Variants in NDUFS4 observed in about 807,000 individuals in gnomAD.
The protein encoded by NDUFS4 is NADH:ubiquinone oxidoreductase subunit S4.
NDUFS4 carries 28 observed loss-of-function variants against 24.3 expected under a neutral mutation model. That is an observed-to-expected ratio of 1.15 (90% CI 0.85 to 1.58). NDUFS4 has a LOEUF of 1.58. Ranked by LOEUF, NDUFS4 falls within the 40% of genes most tolerant of loss-of-function variation. The pLI is 0.00. For missense variants in NDUFS4, 223 were observed against 207.9 expected, an observed-to-expected ratio of 1.07 and a Z score of -0.45; for synonymous variants, 93 against 69.7, an observed-to-expected ratio of 1.34 and a Z score of -1.67.
intron 2 of NDUFS4, among the ~76,000 whole-genome samples, chr5:53,616,410 G>A (rs1403286356): frequency 6.6e-6 from 1 of 152,060 alleles, no homozygotes; most frequent in African/African-American, 2.4e-5. Context: ...AATAGCTGGG[G>A]TTTGGGTGGA....
chr5:53,613,261 A>T (rs1199587219), intron 2 of NDUFS4, among the ~76,000 whole-genome samples: 1 of 152,090 alleles, frequency 6.6e-6, no homozygotes, highest in Non-Finnish European at 1.5e-5. Context: ...TTACTCACGC[A>T]GCATTCTTGT....
At chr5:53,574,608 CTT>C (rs1435637454) in intron 1 of NDUFS4, among the ~76,000 whole-genome samples, 1 of 152,066 alleles carries the variant, frequency 6.6e-6, no homozygotes, top group Non-Finnish European at 1.5e-5. Context: ...TTTTCATCAT[CTT>C]TTCTTTTGAA....
intron 2 of NDUFS4, among the ~76,000 whole-genome samples, chr5:53,641,872 G>T (rs536485778): frequency 1.6e-4 from 24 of 152,148 alleles, no homozygotes; most frequent in Non-Finnish European, 3.2e-4. Context: ...TGTAAACTCA[G>T]TCATCAAATT....
At chr5:53,616,266 A>G (rs1444981088) in intron 2 of NDUFS4, among the ~76,000 whole-genome samples, 2 of 152,064 alleles carry the variant, frequency 1.3e-5, no homozygotes, top group Non-Finnish European at 2.9e-5. Flanking sequence ...GCTATGAACA[A>G]AGCACAACAA....
intron 3 of NDUFS4, among the ~76,000 whole-genome samples, chr5:53,648,419 A>G (rs1751924363): frequency 1.3e-5 from 2 of 152,228 alleles, no homozygotes. Context: ...TTTCATATGT[A>G]AGATAATTTT....
intron 2 of NDUFS4, among the ~76,000 whole-genome samples, chr5:53,617,649 T>C (rs1750884118): frequency 6.6e-6 from 1 of 152,204 alleles, no homozygotes; most frequent in African/African-American, 2.4e-5. Flanking sequence ...TCAAAACTAG[T>C]GGGAGAGACA....
In NDUFS4 at chr5:53,646,422, A is replaced by C. The variant is rs775019741; in HGVS notation, c.350+17A>C. 5 of 1,611,304 alleles carry C rather than the reference A, an allele frequency of 3.1e-6. No individual in the cohort carries two copies. Among genetic ancestry groups the C allele is most frequent in the Non-Finnish European group, 4.2e-6 (5 of 1,177,690 alleles). On this transcript the variant is annotated intron_variant, in intron 3 of 4. Transcript: ENST00000296684. ...GGCATCAACGTGAGTACTTTATTTT[A>C]ATGTGAATATTGTCAGCTATCTTTT...
intron 3 of NDUFS4, among the ~76,000 whole-genome samples, chr5:53,647,287 A>G (rs1408908834): frequency 1.3e-5 from 2 of 152,030 alleles, no homozygotes; most frequent in Non-Finnish European, 2.9e-5. Flanking sequence ...ATCCTAGCTC[A>G]CTGCAGCCCT....
chr5:53,616,422 TA>T (rs955982817), intron 2 of NDUFS4, among the ~76,000 whole-genome samples: 3 of 151,982 alleles, frequency 2.0e-5, no homozygotes, highest in African/African-American at 7.3e-5. Flanking sequence ...TTGGGTGGAA[TA>T]GGGGTCATTT....
At chr5:53,585,589 G>A (rs558852673) in intron 1 of NDUFS4, among the ~76,000 whole-genome samples, 1 of 151,746 alleles carries the variant, frequency 6.6e-6, no homozygotes, top group Non-Finnish European at 1.5e-5. Context: ...CTAAAAATAC[G>A]AAATTAGCCG....
intron 4 of NDUFS4, among the ~76,000 whole-genome samples, chr5:53,667,633 G>C (rs1381325237): frequency 6.6e-6 from 1 of 151,922 alleles, no homozygotes; most frequent in Non-Finnish European, 1.5e-5. Flanking sequence ...AAAATCATTT[G>C]TTGTCAGCTA....
chr5:53,601,128 C>A (rs1241537685), intron 1 of NDUFS4, among the ~76,000 whole-genome samples: 1 of 151,804 alleles, frequency 6.6e-6, no homozygotes, highest in East Asian at 1.9e-4. Flanking sequence ...CCTCAGCCTC[C>A]GAGTAGCTGC....
At chr5:53,677,582 T>G (rs1740516043) in intron 4 of NDUFS4, among the ~76,000 whole-genome samples, 1 of 152,178 alleles carries the variant, frequency 6.6e-6, no homozygotes. Flanking sequence ...AAAGTGAAAT[T>G]CCTAAAAAGC....
intron 1 of NDUFS4, among the ~76,000 whole-genome samples, chr5:53,588,625 C>T (rs1315665705): frequency 3.3e-5 from 5 of 152,106 alleles, no homozygotes; most frequent in African/African-American, 1.2e-4. Flanking sequence ...TTTTCTTCTG[C>T]ATGTATTCAT....
intron 2 of NDUFS4, chr5:53,604,718 C>T (rs777259320): frequency 2.2e-6 from 1 of 456,016 alleles, no homozygotes; most frequent in South Asian, 1.5e-5. Context: ...CTGCCTTCCT[C>T]TCTAGGTTTA....
At chr5:53,634,261 A>G (rs891556579) in intron 2 of NDUFS4, among the ~76,000 whole-genome samples, 3 of 152,130 alleles carry the variant, frequency 2.0e-5, no homozygotes, top group African/African-American at 4.8e-5. Flanking sequence ...TGAATATTTC[A>G]TTATTAAATC....
At chr5:53,567,286 A>C (rs1203063594) in intron 1 of NDUFS4, among the ~76,000 whole-genome samples, 1 of 152,224 alleles carries the variant, frequency 6.6e-6, no homozygotes, top group Non-Finnish European at 1.5e-5. Context: ...TCTGGTAATA[A>C]TCAGTTCAAA....
intron 2 of NDUFS4, among the ~76,000 whole-genome samples, chr5:53,636,894 TAA>T (rs879792517): frequency 6.6e-6 from 1 of 152,152 alleles, no homozygotes; most frequent in African/African-American, 2.4e-5. Flanking sequence ...CTGTAAAAAG[TAA>T]AAGCTCTCTG....
At chr5:53,682,623 T>C in intron 4 of NDUFS4, among the ~76,000 whole-genome samples, 1 of 152,220 alleles carries the variant, frequency 6.6e-6, no homozygotes, top group East Asian at 1.9e-4. Context: ...CATGGTCCAC[T>C]TCAACTATAG....
Sources: allele counts gnomAD v4.1 joint callset (sites outside exome capture counted in the v4.1 genomes callset), GRCh38; gene constraint gnomAD v4.1.1; transcripts MANE v1.5; gene names NCBI Gene and HGNC (gene_info 2026-07-23, HGNC 2026-07-21).